NRXN1: variants seen among roughly 807,000 people sequenced by gnomAD.
NRXN1 encodes neurexin-1.
Under a neutral mutation model 150.9 loss-of-function variants are expected in NRXN1, and 39 were observed. The observed-to-expected ratio is 0.26, with a 90% CI of 0.20 to 0.34. NRXN1 has a LOEUF of 0.34. Ranked by LOEUF, NRXN1 falls within the 10% of genes least tolerant of loss-of-function variation. The probability of loss-of-function intolerance (pLI) is 1.00; values close to 1 mark genes in which losing one functional copy is unlikely to be tolerated. For missense variants in NRXN1, 1,815 were observed against 1,949.9 expected (o/e 0.93, Z 1.30); for synonymous variants, 924 against 757.0 (o/e 1.22, Z -3.62).
chr2:50,350,572 G>C (rs192954399), intron 17 of NRXN1, among the ~76,000 whole-genome samples: 2 of 152,234 alleles, frequency 1.3e-5, no homozygotes, highest in East Asian at 3.9e-4. Flanking sequence ...TAAATAACAA[G>C]GATCAACTGT....
At chr2:50,464,717 T>G (rs2088628740) in intron 17 of NRXN1, among the ~76,000 whole-genome samples, 1 of 151,916 alleles carries the variant, frequency 6.6e-6, no homozygotes, top group South Asian at 2.1e-4. Flanking sequence ...TTGTATGAAA[T>G]TCTTTTATCA....
chr2:50,644,079 C>T (rs1684451181), intron 5 of NRXN1, among the ~76,000 whole-genome samples: 1 of 150,950 alleles, frequency 6.6e-6, no homozygotes, highest in South Asian at 2.1e-4. Flanking sequence ...TTATTATTTT[C>T]TTTATGTAAA....
intron 2 of NRXN1, among the ~76,000 whole-genome samples, chr2:51,025,740 A>G (rs1670338862): frequency 6.6e-6 from 1 of 152,202 alleles, no homozygotes; most frequent in Non-Finnish European, 1.5e-5. Flanking sequence ...ATTATTCATG[A>G]TTCACAAGTA....
chr2:50,202,522 A>G (rs1384202510), intron 18 of NRXN1, among the ~76,000 whole-genome samples: 1 of 151,906 alleles, frequency 6.6e-6, no homozygotes, highest in Non-Finnish European at 1.5e-5. Flanking sequence ...ACAAAACAAA[A>G]CAAAAAAAAA....
intron 9 of NRXN1, among the ~76,000 whole-genome samples, chr2:50,543,954 T>A (rs1008996297): frequency 6.6e-6 from 1 of 152,158 alleles, no homozygotes; most frequent in Non-Finnish European, 1.5e-5. Flanking sequence ...ACTAACTAGC[T>A]AGCAAGTTTA....
intron 15 of NRXN1, among the ~76,000 whole-genome samples, chr2:50,483,073 A>T (rs2090599426): frequency 7.2e-6 from 1 of 138,380 alleles, no homozygotes; most frequent in African/African-American, 2.7e-5. Flanking sequence ...AAAAAAAAAA[A>T]GGAATCTGGC....
intron 5 of NRXN1, among the ~76,000 whole-genome samples, chr2:50,839,266 T>C (rs1057380991): frequency 1.1e-4 from 17 of 152,180 alleles, no homozygotes; most frequent in African/African-American, 2.4e-4. Context: ...ACTTAGTTGA[T>C]ACTTCATTTT....
chr2:50,310,398 C>T (rs987943084), intron 17 of NRXN1, among the ~76,000 whole-genome samples: 8 of 152,072 alleles, frequency 5.3e-5, no homozygotes, highest in East Asian at 3.8e-4. Flanking sequence ...TCATTCAGAA[C>T]GAGGCTTTGA....
chr2:50,483,050 CAAAAAAA>C (rs70948712), intron 15 of NRXN1, among the ~76,000 whole-genome samples: 15 of 75,408 alleles, frequency 2.0e-4, no homozygotes, highest in African/African-American at 5.2e-4. Context: ...GACTCCGTGT[CAAAAAAA>C]AAAAAAAAAA....
chr2:50,887,940 A>AGG (rs1680497514), intron 5 of NRXN1, among the ~76,000 whole-genome samples: 3 of 151,142 alleles, frequency 2.0e-5, no homozygotes, highest in Non-Finnish European at 4.4e-5. Flanking sequence ...CTGGAAAATA[A>AGG]AACAATAAGG....
intron 22 of NRXN1, chr2:49,926,360 C>G: frequency 2.5e-6 from 1 of 398,424 alleles, no homozygotes; most frequent in Non-Finnish European, 4.4e-6. Flanking sequence ...ACGGTGGTCT[C>G]TAGAAGTTTT....
chr2:50,866,733 T>C lies in NRXN1; in HGVS notation c.832+55136A>G, dbSNP rs115235487. On this transcript the variant is annotated intron_variant, in intron 5 of 22. Coordinates refer to ENST00000401669, the MANE Select transcript of NRXN1 (RefSeq NM_001330078.2). ...AAAAAGAAAGGACAAAAAAATTGGG[T>C]TAGTATTAGAGTTTATGGAACTCAG... is the stretch of plus-strand genomic sequence containing the variant. 2.3e-3 allele frequency among the ~76,000 whole-genome samples: 354 copies of C among 151,944 alleles called. 1 individual carries two copies. Among genetic ancestry groups the C allele is most frequent in the African/African-American group, 7.6e-3 (315 of 41,502 alleles).
At chr2:50,550,010 T>C (rs560255450) in intron 9 of NRXN1, among the ~76,000 whole-genome samples, 3 of 152,268 alleles carry the variant, frequency 2.0e-5, no homozygotes, top group African/African-American at 7.2e-5. Flanking sequence ...TACCCAAAAA[T>C]ATAAATCATT....
At chr2:50,905,608 A>G (rs928905421) in intron 5 of NRXN1, among the ~76,000 whole-genome samples, 34 of 152,042 alleles carry the variant, frequency 2.2e-4, no homozygotes, top group Admixed American at 1.7e-3. Flanking sequence ...TTCTAATGAC[A>G]CTGTTCTTTC....
At chr2:50,768,253 G>A (rs1702589566) in intron 5 of NRXN1, among the ~76,000 whole-genome samples, 2 of 152,072 alleles carry the variant, frequency 1.3e-5, no homozygotes, top group African/African-American at 2.4e-5. Flanking sequence ...ATATTTTAAT[G>A]AAAAGGGCAG....
At chr2:50,209,098 T>C (rs2062826478) in intron 18 of NRXN1, among the ~76,000 whole-genome samples, 1 of 152,074 alleles carries the variant, frequency 6.6e-6, no homozygotes, top group Admixed American at 6.6e-5. Context: ...GAACACAAGG[T>C]TGTGAACTAC....
intron 2 of NRXN1, among the ~76,000 whole-genome samples, chr2:51,000,301 T>C (rs1485577992): frequency 6.6e-6 from 1 of 152,010 alleles, no homozygotes. Flanking sequence ...TTAAATTTTC[T>C]TTATAGAGCT....
intron 18 of NRXN1, among the ~76,000 whole-genome samples, chr2:50,167,216 T>A (rs1325606451): frequency 1.3e-5 from 2 of 152,142 alleles, no homozygotes; most frequent in Non-Finnish European, 2.9e-5. Context: ...CTCCCCTGCC[T>A]CACCCCTTAT....
intron 21 of NRXN1, among the ~76,000 whole-genome samples, chr2:49,951,100 G>A (rs931471457): frequency 2.0e-5 from 3 of 151,744 alleles, no homozygotes; most frequent in South Asian, 4.2e-4. Flanking sequence ...TCAGTCTAAC[G>A]TTCATTTTTA....
Sources: allele counts gnomAD v4.1 joint callset (sites outside exome capture counted in the v4.1 genomes callset), GRCh38; gene constraint gnomAD v4.1.1; transcripts MANE v1.5; gene names NCBI Gene and HGNC (gene_info 2026-07-23, HGNC 2026-07-21).